The following TRRAP variants were observed in gnomAD, a reference collection of about 807,000 sequenced individuals.
TRRAP encodes the protein transformation/transcription domain associated protein.
TRRAP carries 41 observed loss-of-function variants against 438.8 expected under a neutral mutation model. That is an observed-to-expected ratio of 0.09 (90% CI 0.07 to 0.12). The LOEUF is 0.12. Ranked by LOEUF, TRRAP falls within the 10% of genes least tolerant of loss-of-function variation. The pLI is 1.00. For synonymous variants in TRRAP, 1,994 were observed against 1,962.9 expected (o/e 1.02, Z -0.42); for missense variants, 3,122 against 5,055.1 (o/e 0.62, Z 11.60).
intron 53 of TRRAP, among the ~76,000 whole-genome samples, chr7:98,975,788 G>A (rs1418906041): frequency 6.6e-6 from 1 of 152,194 alleles, no homozygotes. Flanking sequence ...CAGTGGCCTG[G>A]GCCTCGGTGA....
chr7:98,912,873 G>C (rs1364388732), intron 18 of TRRAP, among the ~76,000 whole-genome samples: 1 of 152,176 alleles, frequency 6.6e-6, no homozygotes, highest in Non-Finnish European at 1.5e-5. Context: ...GTTTGACAAG[G>C]AGACAGGAGA....
chr7:98,904,054 C>T (rs558093940), intron 12 of TRRAP, among the ~76,000 whole-genome samples: 1 of 152,190 alleles, frequency 6.6e-6, no homozygotes, highest in Non-Finnish European at 1.5e-5. Flanking sequence ...AAGTGATGTG[C>T]CTGCCTCAGC....
chr7:99,004,378 A>G lies in TRRAP; in HGVS notation c.10498A>G (p.Met3500Val). The change falls in exon 68 of 73, where the codon ATG (methionine) becomes GTG (valine). Residue 3500 changes from methionine (M) to valine (V), a missense_variant. Physicochemically the swap from Met to Val is conservative, Grantham distance 21. This residue lies in a region of TRRAP where 95 missense variants were observed against 144.1 expected (regional missense o/e 0.66). Transcript: ENST00000456197. Reference protein sequence around the residue: ...AEVEIPGEFLMPKPTHYYIKI... With the variant: ...AEVEIPGEFLVPKPTHYYIKI... ...AGTGGAAATTCCTGGGGAGTTTCTG[A>G]TGCCAAAGCCAACGCATTATTACAT... 6.2e-7 allele frequency: 1 copy of G among 1,614,126 alleles called. No individual in the cohort carries two copies. Among genetic ancestry groups the G allele is most frequent in the Non-Finnish European group, 8.5e-7 (1 of 1,180,030 alleles).
chr7:98,948,707 A>T lies in TRRAP; in HGVS notation c.4788+22A>T. The T allele has an allele frequency of 1.2e-6, 2 of 1,614,102 alleles. No individual in the cohort carries two copies. Among genetic ancestry groups the T allele is most frequent in the African/African-American group, 1.3e-5 (1 of 75,052 alleles). ...TATGGTAAGAGCTGTGAGCAGCTGG[A>T]GTCAGGGGTCCCTTCAAATGCTTGT... On this transcript the variant is annotated intron_variant, in intron 35 of 72. Transcript: ENST00000456197. The surrounding 1 kb of genome is among the most constrained non-coding windows in gnomAD (Gnocchi z 4.9).
intron 47 of TRRAP, among the ~76,000 whole-genome samples, chr7:98,962,903 T>G (rs1275408195): frequency 1.3e-5 from 2 of 152,148 alleles, no homozygotes; most frequent in East Asian, 3.9e-4. Context: ...TGGCCCCAGG[T>G]ACGCAGGAGT....
At chr7:98,914,595 A>G (rs538489732) in intron 18 of TRRAP, among the ~76,000 whole-genome samples, 1 of 151,650 alleles carries the variant, frequency 6.6e-6, no homozygotes, top group African/African-American at 2.4e-5. Flanking sequence ...CATGCCTGTA[A>G]TCTCAGCTAC....
chr7:98,911,889 T>G, intron 17 of TRRAP, 133 bp from the exon 18 acceptor site: 1 of 765,636 alleles, frequency 1.3e-6, no homozygotes, highest in Non-Finnish European at 2.1e-6. Context: ...ATTTTTTTCC[T>G]TTGGTGGATA....
chr7:99,005,230 G>A lies in TRRAP; in HGVS notation c.10635G>A (p.Met3545Ile), dbSNP rs1794109184. The A allele has an allele frequency of 6.2e-7, 1 of 1,614,182 alleles. No individual in the cohort carries two copies. The change falls in exon 69 of 73, where the codon ATG (methionine) becomes ATA (isoleucine). Residue 3545 changes from methionine (M) to isoleucine (I), a missense_variant. Transcript: ENST00000456197. The surrounding 1 kb of genome is among the most constrained non-coding windows in gnomAD (Gnocchi z 5.1). ...HNGKIYPYLV[M>I]NDACLTESRR... ...GCAAGATCTACCCATACCTCGTCATGAACGACGCCTGCCTCACAGAGTCAC... is the reference window on the plus strand; with the variant it reads ...GCAAGATCTACCCATACCTCGTCATAAACGACGCCTGCCTCACAGAGTCAC...
chr7:98,906,275 A>T lies in TRRAP; in HGVS notation c.1115+20A>T, dbSNP rs782327513. 6.2e-7 allele frequency: 1 copy of T among 1,607,900 alleles called. No individual in the cohort carries two copies. The highest frequency in any genetic ancestry group is 1.7e-5 in the Admixed American group (1 of 59,648). ...TCTAAGGTATGAGATTAAACCAGTGATATCTGGTTGGTTAAATGCCAGGAG... is the reference window on the plus strand; with the variant it reads ...TCTAAGGTATGAGATTAAACCAGTGTTATCTGGTTGGTTAAATGCCAGGAG... On this transcript the variant is annotated intron_variant, in intron 13 of 72. Transcript: ENST00000456197.
intron 37 of TRRAP, 80 bp from the exon 38 acceptor site, chr7:98,949,984 C>G (rs1445145157): frequency 6.3e-7 from 1 of 1,584,526 alleles, no homozygotes; most frequent in South Asian, 1.2e-5. Context: ...TGTCTCTGAG[C>G]TGTTTAAAGG....
rs1182909161 is a variant in TRRAP at position 98,983,247 on chromosome 7, T to A, written c.8827-17T>A. The stretch of plus-strand genomic sequence containing the variant: ...TACTGACATTTACCGCAGAGTCTCT[T>A]ATGCTGGTCCCATCAGGCAGCCCAG... On this transcript the variant is annotated splice_polypyrimidine_tract_variant and intron_variant, in intron 59 of 72. Coordinates refer to ENST00000456197, the MANE Select transcript of TRRAP (RefSeq NM_001375524.1). 2 of 1,602,154 alleles carry A rather than the reference T, an allele frequency of 1.2e-6. No individual in the cohort carries two copies. The highest frequency in any genetic ancestry group is 4.5e-5 in the East Asian group (2 of 44,676).
Position 99,004,174 on chromosome 7 carries a change from A to G in TRRAP, c.10310-16A>G, listed in dbSNP as rs1292212656. 6.2e-7 allele frequency: 1 copy of G among 1,602,234 alleles called. No individual in the cohort carries two copies. Among genetic ancestry groups the G allele is most frequent in the African/African-American group, 1.4e-5 (1 of 73,842 alleles). ...CAGATGACTAAAAACGTTTTTAATC[A>G]TGTTTTATTTTTAAGATTTTGACTT... On this transcript the variant is annotated splice_polypyrimidine_tract_variant and intron_variant, in intron 67 of 72. Coordinates refer to ENST00000456197, the MANE Select transcript of TRRAP (RefSeq NM_001375524.1).
intron 20 of TRRAP, 133 bp downstream of exon 20, chr7:98,917,812 C>A: frequency 7.9e-7 from 1 of 1,259,820 alleles, no homozygotes; most frequent in Non-Finnish European, 1.1e-6. Context: ...CTTCGTGAGT[C>A]TTCTGGTGGA....
chr7:98,983,155 G>A, intron 59 of TRRAP, 109 bp from the exon 60 acceptor site: 1 of 1,043,124 alleles, frequency 9.6e-7, no homozygotes, highest in East Asian at 2.6e-5. Flanking sequence ...TTTGGTAATT[G>A]CATCATAAGA....
chr7:98,965,548 A>G, intron 48 of TRRAP, 148 bp from the exon 49 acceptor site: 1 of 1,017,738 alleles, frequency 9.8e-7, no homozygotes, highest in East Asian at 2.6e-5. Context: ...AGAACATATG[A>G]GTGCTTCAAA....
Position 98,903,413 on chromosome 7 carries a change from A to C in TRRAP, c.932A>C (p.Lys311Thr). ...LVTKYSQQMVKGMLQLLSNCP... is the reference protein window; with the variant it reads ...LVTKYSQQMVTGMLQLLSNCP... ...ACTAAGTATTCTCAGCAGATGGTGAAAGGAATGCTCCAGTTACTTTCAAAT... is the reference window on the plus strand; with the variant it reads ...ACTAAGTATTCTCAGCAGATGGTGACAGGAATGCTCCAGTTACTTTCAAAT... The change falls in exon 12 of 73, where the codon AAA becomes ACA. Residue 311 changes from lysine to threonine, a missense_variant. Transcript: ENST00000456197. The C allele has an allele frequency of 6.2e-7, 1 of 1,614,248 alleles. No homozygotes were observed.
At chr7:98,925,331 C>T (rs1423122233) in intron 22 of TRRAP, 68 bp downstream of exon 22, 5 of 1,564,102 alleles carry the variant, frequency 3.2e-6, no homozygotes, top group Non-Finnish European at 4.3e-6. Context: ...TGCAGAGGGC[C>T]TCCCAGGTTT....
At chr7:98,910,874 C>T (rs1257362136) in intron 16 of TRRAP, among the ~76,000 whole-genome samples, 2 of 150,814 alleles carry the variant, frequency 1.3e-5, no homozygotes, top group Non-Finnish European at 2.9e-5. Context: ...TTTTCATGGT[C>T]TGAACACCTA....
At position 98,949,514 on chromosome 7, in the gene TRRAP, C is replaced by T. The variant is rs782760400; in HGVS notation, c.4886C>T (p.Thr1629Met). 32 of 1,608,934 alleles carry T rather than the reference C, an allele frequency of 2.0e-5. No homozygotes were observed. Among genetic ancestry groups the T allele is most frequent in the Non-Finnish European group, 2.3e-5 (27 of 1,177,992 alleles). The change falls in exon 36 of 73, where the codon ACG (threonine) becomes ATG (methionine). Residue 1629 changes from threonine to methionine, a missense_variant. This residue lies in a region of TRRAP where 272 missense variants were observed against 348.5 expected (regional missense o/e 0.78). Transcript: ENST00000456197. Reference sequence around the variant, plus strand: ...CTGCTGCTGCCGGGGGGTGCCCAGACGGCTGTGCGCCCCGGTTCGCCCAGC... The same window carrying T: ...CTGCTGCTGCCGGGGGGTGCCCAGATGGCTGTGCGCCCCGGTTCGCCCAGC... ...ITLLLPGGAQ[T>M]AVRPGSPSTS... is the part of the protein sequence containing the mutation.
Sources: gnomAD v4.1 joint callset for allele counts (sites outside exome capture counted in the v4.1 genomes callset) on GRCh38, gnomAD v4.1.1 for gene constraint, gnomAD v4.1.1 regional missense constraint, Gnocchi (gnomAD v3.1) non-coding constraint, MANE v1.5 for transcripts, NCBI Gene and HGNC (gene_info 2026-07-23, HGNC 2026-07-21) for gene names.